TPO: variants seen among roughly 807,000 people sequenced by gnomAD.
TPO encodes thyroid peroxidase, also known as thyroid microsomal antigen.
In TPO, 78 loss-of-function variants were observed where a neutral mutation model predicts 96.9. The ratio of observed to expected loss-of-function variants is 0.81; its 90% CI spans 0.67 to 0.97. The LOEUF (loss-of-function observed/expected upper bound fraction) is 0.97, where lower values mean the gene tolerates loss of function less well. TPO is among the 50% of genes least tolerant of loss of function. TPO has a pLI of 0.00. For missense variants in TPO, 1,252 were observed against 1,274.8 expected (o/e 0.98, Z 0.27); for synonymous variants, 547 against 538.0 (o/e 1.02, Z -0.23).
At chr2:1,492,877 G>A (rs768012849) in intron 10 of TPO, among the ~76,000 whole-genome samples, 23 of 152,182 alleles carry the variant, frequency 1.5e-4, no homozygotes, top group South Asian at 2.1e-4. Flanking sequence ...ATCAGAACCC[G>A]TGGGAGTGAG....
At chr2:1,525,043 C>T (rs1474388913) in intron 15 of TPO, among the ~76,000 whole-genome samples, 1 of 80,478 alleles carries the variant, frequency 1.2e-5, no homozygotes, top group Non-Finnish European at 2.6e-5. Flanking sequence ...TCTGTGCAAC[C>T]TCCCCCTATC....
intron 1 of TPO, among the ~76,000 whole-genome samples, chr2:1,394,769 G>C (rs548888507): frequency 6.6e-6 from 1 of 152,296 alleles, no homozygotes; most frequent in East Asian, 1.9e-4. Flanking sequence ...AATTTTTTGA[G>C]AAGGGGCCAT....
At chr2:1,483,746 G>A (rs866008439) in intron 8 of TPO, among the ~76,000 whole-genome samples, 7 of 152,110 alleles carry the variant, frequency 4.6e-5, no homozygotes, top group South Asian at 2.1e-4. Context: ...GAGGTGGAGC[G>A]GGACAGCGAG....
chr2:1,453,784 G>C lies in TPO; in HGVS notation c.573G>C (p.Trp191Cys). The change falls in exon 6 of 17, where the codon TGG becomes TGC. Residue 191 changes from tryptophan (W) to cysteine (C), a missense_variant. Trp to Cys is a radical substitution (Grantham distance 215, BLOSUM62 -2). Coordinates refer to ENST00000329066, the MANE Select transcript of TPO (RefSeq NM_001206744.2). ...YEDGFSQPRG[W>C]NPGFLYNGFP... ...ACGGCTTCAGTCAGCCCCGAGGCTG[G>C]AACCCCGGCTTCTTGTACAACGGGT... 6.2e-7 allele frequency: 1 copy of C among 1,613,894 alleles called. No homozygotes were observed. The highest frequency in any genetic ancestry group is 1.1e-5 in the South Asian group (1 of 91,086).
rs1000744082 is a variant in TPO, at chr2:1,541,192, T to G, written c.2748+469T>G. The G allele has an allele frequency of 3.6e-5, 42 of 1,170,450 alleles. No homozygotes were observed. In the African/African-American group the frequency reaches 5.0e-4, roughly 14 times the overall value. 72.5% of individuals were successfully genotyped at this position (1,170,450 alleles called of 1,614,324 possible). The stretch of plus-strand genomic sequence containing the variant: ...AACTCACTTGTGTAAGTCTGACTTT[T>G]GAACTGAGAGAAGCAGAGAGCAGAA... On this transcript the variant is annotated intron_variant, in intron 16 of 16. Transcript: ENST00000329066.
chr2:1,438,759 G>GC (rs1363306455), intron 5 of TPO: 29 of 702,164 alleles, frequency 4.1e-5, no homozygotes, highest in Middle Eastern at 2.3e-4. Flanking sequence ...TTTGCAAACA[G>GC]AAGAGAAACT....
chr2:1,521,580 C>G (rs1245290271), intron 15 of TPO, among the ~76,000 whole-genome samples: 1 of 152,158 alleles, frequency 6.6e-6, no homozygotes, highest in Non-Finnish European at 1.5e-5. Flanking sequence ...TTCTGGTCAT[C>G]TGAACTGCAT....
chr2:1,539,860 T>C, intron 15 of TPO, among the ~76,000 whole-genome samples: 1 of 123,562 alleles, frequency 8.1e-6, no homozygotes, highest in African/African-American at 3.3e-5. Context: ...GTCCAGCAGC[T>C]CAGTATTTGG....
Position 1,460,953 on chromosome 2 carries a change from C to A in TPO, c.819+4671C>A, listed in dbSNP as rs185988676. 3.7e-4 allele frequency among the ~76,000 whole-genome samples: 57 copies of A among 152,282 alleles called. No individual in the cohort carries two copies. The Middle Eastern group carries it at 0.01, about 27-fold the overall frequency. On this transcript the variant is annotated intron_variant, in intron 7 of 16. Transcript: ENST00000329066. ...TCTCCTGGAGTTTCGCTGGTTTGGG[C>A]AAGAGCTGGTGAAAAGCAGCCTTGG...
chr2:1,507,669 G>A (rs1673619671), intron 14 of TPO, among the ~76,000 whole-genome samples: 1 of 151,518 alleles, frequency 6.6e-6, no homozygotes, highest in African/African-American at 2.4e-5. Flanking sequence ...GTTCACTCAT[G>A]ATTTGGCTCT....
At chr2:1,461,629 C>T (rs73908736) in intron 7 of TPO, among the ~76,000 whole-genome samples, 8,518 of 152,206 alleles carry the variant, frequency 0.056, 303 homozygotes, top group East Asian at 0.15. Context: ...CACTCACAGG[C>T]ACAGGTGACC....
Position 1,504,117 on chromosome 2 carries a change from C to G in TPO, c.2518+38C>G, listed in dbSNP as rs772174174. Reference sequence around the variant, plus strand: ...CCCTCTCTCTCTGTCCGTCCATTTGCGAGTTTTTGTAAAATGAAGAAAAGT... The same window carrying G: ...CCCTCTCTCTCTGTCCGTCCATTTGGGAGTTTTTGTAAAATGAAGAAAAGT... On this transcript the variant is annotated intron_variant, in intron 14 of 16. Coordinates refer to ENST00000329066, the MANE Select transcript of TPO (RefSeq NM_001206744.2). 6.8e-6 allele frequency: 11 copies of G among 1,612,452 alleles called. No individual in the cohort carries two copies. The African/African-American group carries it at 1.3e-4, about 20-fold the overall frequency.
chr2:1,503,803 G>T, intron 13 of TPO, 145 bp from the exon 14 acceptor site: 1 of 1,469,076 alleles, frequency 6.8e-7, no homozygotes. Flanking sequence ...GGAGCAGGGG[G>T]CGGCCGGTTC....
At chr2:1,533,107 G>A (rs1205951014) in intron 15 of TPO, among the ~76,000 whole-genome samples, 1 of 139,020 alleles carries the variant, frequency 7.2e-6, no homozygotes, top group Non-Finnish European at 1.5e-5. Context: ...TCTCCACTGT[G>A]TGCAACCTCC....
intron 2 of TPO, among the ~76,000 whole-genome samples, chr2:1,422,621 AAAAC>A (rs1256347282): frequency 6.6e-6 from 1 of 152,002 alleles, no homozygotes; most frequent in African/African-American, 2.4e-5. Context: ...TCCAGGTGCT[AAAAC>A]AAATAACACA....
chr2:1,483,417 T>C (rs185478609), intron 8 of TPO, among the ~76,000 whole-genome samples: 1 of 152,328 alleles, frequency 6.6e-6, no homozygotes, highest in Admixed American at 6.5e-5. Context: ...GGCCTTTTCC[T>C]TTCTATTGTA....
At chr2:1,529,680 A>G (rs1236578274) in intron 15 of TPO, among the ~76,000 whole-genome samples, 1 of 61,638 alleles carries the variant, frequency 1.6e-5, no homozygotes. Flanking sequence ...ACTGTGTGCA[A>G]CCTCCTCAAA....
chr2:1,505,963 T>A (rs1213483250), intron 14 of TPO, among the ~76,000 whole-genome samples: 1 of 151,286 alleles, frequency 6.6e-6, no homozygotes, highest in South Asian at 2.1e-4. Flanking sequence ...CTGCACCCAT[T>A]AACTCGTCAT....
intron 15 of TPO, among the ~76,000 whole-genome samples, chr2:1,537,672 TCC>T (rs1399608238): frequency 2.5e-5 from 2 of 79,648 alleles, no homozygotes; most frequent in African/African-American, 1.1e-4. Flanking sequence ...CCTCCGCAAA[TCC>T]CCCTACTCTG....
Sources: gnomAD v4.1 joint callset for allele counts (sites outside exome capture counted in the v4.1 genomes callset) on GRCh38, gnomAD v4.1.1 for gene constraint, MANE v1.5 for transcripts, NCBI Gene and HGNC (gene_info 2026-07-23, HGNC 2026-07-21) for gene names.